Variants in ITGA2B observed in about 807,000 individuals in gnomAD.
ITGA2B encodes integrin alpha-IIb.
A neutral mutation model predicts 142.0 loss-of-function variants in ITGA2B; 91 were observed. The observed-to-expected ratio is 0.64, with a 90% CI of 0.54 to 0.76. The LOEUF (loss-of-function observed/expected upper bound fraction) is 0.76, where lower values mean the gene tolerates loss of function less well. Among genes scored for constraint, ITGA2B ranks in the 30% least tolerant of loss-of-function variants. The probability of loss-of-function intolerance (pLI) is 0.00; values close to 1 mark genes in which losing one functional copy is unlikely to be tolerated. For synonymous variants in ITGA2B, 536 were observed against 567.2 expected, an observed-to-expected ratio of 0.94 and a Z score of 0.78; for missense variants, 1,231 against 1,350.8, an observed-to-expected ratio of 0.91 and a Z score of 1.39.
intron 2 of ITGA2B, 22 bp downstream of exon 2, chr17:44,385,988 G>A (rs1047182693): frequency 1.1e-5 from 17 of 1,613,964 alleles, no homozygotes; most frequent in Non-Finnish European, 1.4e-5. Flanking sequence ...CCCCAACCTT[G>A]CTCTCCTTGC....
At position 44,380,915 on chromosome 17, in the gene ITGA2B, G is replaced by T. The variant is rs151179377; in HGVS notation, c.1357C>A (p.Arg453=). The change falls in exon 13 of 30, where the codon CGA becomes AGA. Residue 453 remains arginine (R), a synonymous_variant. Coordinates refer to ENST00000262407, the MANE Select transcript of ITGA2B (RefSeq NM_000419.5). ...PTGSAFGFSL[R]GAVDIDDNGY... is the part of the protein sequence containing the mutation. The stretch of plus-strand genomic sequence containing the variant: ...TTGTCATCGATGTCTACGGCACCTC[G>T]AAGGGAGAAGCCAAAGGCAGAGCCT... 4.3e-6 allele frequency: 7 copies of T among 1,614,222 alleles called. No individual in the cohort carries two copies. The African/African-American group carries it at 6.7e-5, about 15-fold the overall frequency.
At position 44,375,575 on chromosome 17, in the gene ITGA2B, CAG is replaced by C. The variant is rs775365704; in HGVS notation, c.2727+14_2727+15del. 5.6e-6 allele frequency: 9 copies of C among 1,613,362 alleles called. No individual in the cohort carries two copies. Among genetic ancestry groups the C allele is most frequent in the Non-Finnish European group, 7.6e-6 (9 of 1,179,518 alleles). The stretch of plus-strand genomic sequence containing the variant: ...GTCCCGGGGAGGCCGGGCCAGAGAC[CAG>C]AGAGCCTGCTCACTACGAGAACTGG... On this transcript the variant is annotated intron_variant, in intron 26 of 29. Transcript: ENST00000262407.
rs369639793 is a variant in ITGA2B at position 44,378,629 on chromosome 17, G to C, written c.1946+14C>G. 3.1e-4 allele frequency: 482 copies of C among 1,571,008 alleles called. No individual in the cohort carries two copies. The highest frequency in any genetic ancestry group is 3.8e-4 in the Non-Finnish European group (445 of 1,157,892). On this transcript the variant is annotated intron_variant, in intron 19 of 29. Coordinates refer to ENST00000262407, the MANE Select transcript of ITGA2B (RefSeq NM_000419.5). The stretch of plus-strand genomic sequence containing the variant: ...GAAAGGGCCAGGGTCGGGCAGAATG[G>C]GAGGCCTCCTCACACGCTGGCAGTG...
Position 44,378,723 on chromosome 17 carries a change from AT to A in ITGA2B, c.1879-14del, listed in dbSNP as rs761591282. ...GGACGATTCGTGTCTAGAGGGGCAC[AT>A]TGGGGTGTGCGGGTAAGTTGGGGAT... On this transcript the variant is annotated splice_polypyrimidine_tract_variant and intron_variant, in intron 18 of 29. Transcript: ENST00000262407. 1.3e-6 allele frequency: 2 copies of A among 1,553,748 alleles called. No homozygotes were observed. Among genetic ancestry groups the A allele is most frequent in the Non-Finnish European group, 1.7e-6 (2 of 1,148,004 alleles).
chr17:44,381,089 C>A (rs757045038), intron 12 of ITGA2B, 28 bp from the exon 13 acceptor site: 1 of 1,608,708 alleles, frequency 6.2e-7, no homozygotes, highest in African/African-American at 1.3e-5. Context: ...AAGGAAGTGG[C>A]TGATTGTTAT....
intron 17 of ITGA2B, 64 bp downstream of exon 17, chr17:44,379,938 G>A (rs2048579207): frequency 1.2e-6 from 2 of 1,613,104 alleles, no homozygotes; most frequent in Non-Finnish European, 1.7e-6. Flanking sequence ...CCCAGGGCTA[G>A]ATGAACAAGT....
chr17:44,389,443 G>A lies in ITGA2B; in HGVS notation c.31C>T (p.Leu11Phe). The change falls in exon 1 of 30, where the codon CTC becomes TTC. Residue 11 changes from leucine to phenylalanine, a missense_variant. Transcript: ENST00000262407. MARALCPLQA[L>F]WLLEWVLLLL... ...AGCAGCACCCACTCCAGAAGCCAGA[G>A]GGCTTGCAGTGGACACAAAGCTCTG... is the stretch of plus-strand genomic sequence containing the variant. 6 of 1,614,022 alleles carry A rather than the reference G, an allele frequency of 3.7e-6. No individual in the cohort carries two copies. Among genetic ancestry groups the A allele is most frequent in the Non-Finnish European group, 5.1e-6 (6 of 1,180,002 alleles).
chr17:44,387,596 C>T (rs550114909), intron 1 of ITGA2B, among the ~76,000 whole-genome samples: 6 of 151,426 alleles, frequency 4.0e-5, no homozygotes, highest in South Asian at 2.1e-4. Flanking sequence ...GAGGCCAAGG[C>T]GGGTGGATCA....
chr17:44,376,524 G>A, intron 22 of ITGA2B, 136 bp from the exon 23 acceptor site: 1 of 768,896 alleles, frequency 1.3e-6, no homozygotes, highest in Middle Eastern at 2.5e-4. Context: ...TTAGACCTGG[G>A]AAAGAACTTC....
rs1126554 is a variant in ITGA2B, at chr17:44,384,092, C to T, written c.938G>A (p.Gly313Glu). 1 of 1,613,714 alleles carries T rather than the reference C, an allele frequency of 6.2e-7. No homozygotes were observed. The highest frequency in any genetic ancestry group is 8.5e-7 in the Non-Finnish European group (1 of 1,179,922). The change falls in exon 10 of 30, where the codon GGA (glycine) becomes GAA (glutamate). Residue 313 changes from glycine to glutamate, a missense_variant. Transcript: ENST00000262407. ...CTGGGACCTGGCCCCCACCTGCTCT[C>T]CGCGCAGCCGATGCAGCCTCTGGTA... ...SYYQRLHRLR[G>E]EQMASYFGHS...
rs1191059552 is a variant in ITGA2B, at chr17:44,385,331, C to T, written c.579G>A (p.Trp193Ter). The T allele has an allele frequency of 2.5e-6, 4 of 1,611,132 alleles. No homozygotes were observed. The highest frequency in any genetic ancestry group is 3.4e-6 in the Non-Finnish European group (4 of 1,179,836). Residue 193 changes from tryptophan (W) to a stop codon, truncating the protein, a stop_gained, in exon 5 of 30, where the codon TGG becomes TGA. Coordinates refer to ENST00000262407, the MANE Select transcript of ITGA2B (RefSeq NM_000419.5). LOFTEE classifies it high-confidence loss of function. ...SRIYVENDFS[W>*]DKRYCEAGFS... is the part of the protein sequence containing the mutation. ...AGCCCGCTTCACAGTAACGCTTGTCCCAGCCTGCAGGAGACAAGGAGGAGG... is the reference window on the plus strand; with the variant it reads ...AGCCCGCTTCACAGTAACGCTTGTCTCAGCCTGCAGGAGACAAGGAGGAGG...
chr17:44,385,427 A>G (rs1163291555), intron 4 of ITGA2B, 92 bp from the exon 5 acceptor site: 24 of 1,512,158 alleles, frequency 1.6e-5, no homozygotes, highest in Non-Finnish European at 2.0e-5. Flanking sequence ...CGGGGCCTTG[A>G]GTCGGCGGGG....
rs777881251 is a variant in ITGA2B, at chr17:44,380,285, A to G, written c.1561T>C (p.Cys521Arg). 2.2e-5 allele frequency: 35 copies of G among 1,614,016 alleles called. No homozygotes were observed. The highest frequency in any genetic ancestry group is 2.9e-5 in the Non-Finnish European group (34 of 1,180,028). Residue 521 changes from cysteine (C) to arginine (R), a missense_variant, in exon 16 of 30, where the codon TGT (cysteine) becomes CGT (arginine). Around this residue, in one of 3 missense-constraint regions of ITGA2B, gnomAD observed 908 missense variants for 1,021.1 expected, o/e 0.89. Transcript: ENST00000262407. Reference sequence around the variant, plus strand: ...ATGTTGTGCCCAGTGGCTCCAACACACATCTGGATGTTGAAGCTGCAAAGA... The same window carrying G: ...ATGTTGTGCCCAGTGGCTCCAACACGCATCTGGATGTTGAAGCTGCAAAGA... ...TPVSCFNIQM[C>R]VGATGHNIPQ...
Position 44,385,541 on chromosome 17 carries a change from T to C in ITGA2B, c.574+10A>G, listed in dbSNP as rs771984157. On this transcript the variant is annotated intron_variant, in intron 4 of 29. Coordinates refer to ENST00000262407, the MANE Select transcript of ITGA2B (RefSeq NM_000419.5). ...CGAGTGGGCGGGGCCAGGTCGTAGCTGGCGCTTACTAAAATCATTTTCCAC... is the reference window on the plus strand; with the variant it reads ...CGAGTGGGCGGGGCCAGGTCGTAGCCGGCGCTTACTAAAATCATTTTCCAC... The C allele has an allele frequency of 2.3e-5, 35 of 1,553,920 alleles. No individual in the cohort carries two copies. The highest frequency in any genetic ancestry group is 3.8e-5 in the Admixed American group (2 of 52,046).
intron 27 of ITGA2B, 74 bp downstream of exon 27, chr17:44,374,924 A>T (rs996408668): frequency 2.2e-6 from 3 of 1,368,916 alleles, no homozygotes; most frequent in Non-Finnish European, 3.0e-6. Flanking sequence ...CTCCCACACC[A>T]AACCCCGCCC....
intron 18 of ITGA2B, 39 bp downstream of exon 18, chr17:44,379,650 G>A (rs148067822): frequency 1.2e-6 from 2 of 1,613,620 alleles, no homozygotes; most frequent in Non-Finnish European, 8.5e-7. Context: ...TGCTATCAGG[G>A]GTCCTGCACC....
rs1217483718 is a variant in ITGA2B, at chr17:44,378,421, C to T, written c.2035G>A (p.Glu679Lys). The T allele has an allele frequency of 6.2e-7, 1 of 1,613,606 alleles. No homozygotes were observed. The highest frequency in any genetic ancestry group is 2.2e-5 in the East Asian group (1 of 44,880). ...ANEGEGAYEA[E>K]LAVHLPQGAH... ...CCCTGGGGCAGGTGCACGGCCAGCT[C>T]TGCTTCATAGGCCCCCTCGCCCTCG... Residue 679 changes from glutamate to lysine, a missense_variant, in exon 20 of 30, where the codon GAG (glutamate) becomes AAG (lysine). Around this residue, in one of 3 missense-constraint regions of ITGA2B, gnomAD observed 908 missense variants for 1,021.1 expected, o/e 0.89. Transcript: ENST00000262407.
chr17:44,374,547 C>G, intron 28 of ITGA2B, 77 bp from the exon 29 acceptor site: 1 of 1,522,304 alleles, frequency 6.6e-7, no homozygotes, highest in South Asian at 1.1e-5. Flanking sequence ...AGGCTGGTGA[C>G]CTCCAGCCAT....
At chr17:44,378,791 G>A in intron 18 of ITGA2B, 81 bp from the exon 19 acceptor site, 1 of 1,329,064 alleles carries the variant, frequency 7.5e-7, no homozygotes, top group Non-Finnish European at 1.1e-6. Flanking sequence ...GAAAACAGTG[G>A]GCTTGGGGTT....
Sources: gnomAD v4.1 joint callset for allele counts (sites outside exome capture counted in the v4.1 genomes callset) on GRCh38, gnomAD v4.1.1 for gene constraint, gnomAD v4.1.1 regional missense constraint, MANE v1.5 for transcripts, NCBI Gene and HGNC (gene_info 2026-07-23, HGNC 2026-07-21) for gene names.